Variants in FANCC observed in about 807,000 individuals in gnomAD.
FANCC encodes the protein Fanconi anemia group C protein.
FANCC carries 55 observed loss-of-function variants against 71.3 expected under a neutral mutation model. That is an observed-to-expected ratio of 0.77 (90% CI 0.62 to 0.97). The LOEUF is 0.97. Ranked by LOEUF, FANCC falls within the 50% of genes least tolerant of loss-of-function variation. The probability of loss-of-function intolerance (pLI) is 0.00; values close to 1 mark genes in which losing one functional copy is unlikely to be tolerated. For missense variants in FANCC, 678 were observed against 670.9 expected (o/e 1.01, Z -0.12); for synonymous variants, 275 against 244.9 (o/e 1.12, Z -1.15).
chr9:95,108,360 G>A (rs1022876001), intron 13 of FANCC, among the ~76,000 whole-genome samples: 14 of 152,214 alleles, frequency 9.2e-5, no homozygotes, highest in Admixed American at 6.5e-5. Flanking sequence ...TGGTGTCTAC[G>A]GGAGCCCAAG....
intron 1 of FANCC, among the ~76,000 whole-genome samples, chr9:95,256,066 G>A (rs1272088315): frequency 1.3e-5 from 2 of 151,814 alleles, no homozygotes; most frequent in Non-Finnish European, 2.9e-5. Context: ...TAATTGGTGT[G>A]TGGTGTACCT....
At chr9:95,140,331 GA>G (rs1048303974) in intron 7 of FANCC, among the ~76,000 whole-genome samples, 1 of 152,106 alleles carries the variant, frequency 6.6e-6, no homozygotes, top group Non-Finnish European at 1.5e-5. Flanking sequence ...TTGAGATTTA[GA>G]AAACTCTACT....
chr9:95,211,520 C>T (rs577011739), intron 4 of FANCC, among the ~76,000 whole-genome samples: 1 of 152,244 alleles, frequency 6.6e-6, no homozygotes, highest in East Asian at 1.9e-4. Flanking sequence ...TGGAGAAAGG[C>T]CACTATAGAC....
At chr9:95,119,717 TTTC>T (rs1277432059) in intron 10 of FANCC, among the ~76,000 whole-genome samples, 5 of 151,962 alleles carry the variant, frequency 3.3e-5, no homozygotes, top group African/African-American at 1.2e-4. Context: ...TTTACATTCC[TTTC>T]TTATTTTTTG....
At chr9:95,283,136 G>A (rs1267736398) in intron 1 of FANCC, among the ~76,000 whole-genome samples, 2 of 152,200 alleles carry the variant, frequency 1.3e-5, no homozygotes, top group African/African-American at 2.4e-5. Flanking sequence ...AGACTGGTGT[G>A]CAGTGGCACA....
intron 4 of FANCC, among the ~76,000 whole-genome samples, chr9:95,239,966 C>T (rs934496613): frequency 3.3e-5 from 5 of 152,180 alleles, no homozygotes; most frequent in African/African-American, 7.2e-5. Context: ...CAAGGCAGTG[C>T]GGGGAACAGA....
At chr9:95,198,355 C>G (rs1425917301) in intron 4 of FANCC, among the ~76,000 whole-genome samples, 2 of 152,184 alleles carry the variant, frequency 1.3e-5, no homozygotes, top group Non-Finnish European at 1.5e-5. Flanking sequence ...CTGTCACACA[C>G]AATTTTCAGA....
At chr9:95,227,337 TG>T (rs1829682648) in intron 4 of FANCC, among the ~76,000 whole-genome samples, 1 of 152,192 alleles carries the variant, frequency 6.6e-6, no homozygotes, top group Non-Finnish European at 1.5e-5. Flanking sequence ...GGTAGGCCTC[TG>T]GGGGCTCAGC....
chr9:95,112,160 C>T (rs1476434267), intron 12 of FANCC, among the ~76,000 whole-genome samples: 1 of 152,240 alleles, frequency 6.6e-6, no homozygotes, highest in African/African-American at 2.4e-5. Flanking sequence ...GCTATCCCCT[C>T]GCCACACTGG....
intron 4 of FANCC, among the ~76,000 whole-genome samples, chr9:95,184,200 A>G (rs912860991): frequency 6.6e-6 from 1 of 152,160 alleles, no homozygotes; most frequent in Non-Finnish European, 1.5e-5. Context: ...CATTATATGT[A>G]AACATCTAGG....
chr9:95,135,739 T>C (rs576678559), intron 7 of FANCC, among the ~76,000 whole-genome samples: 2 of 152,016 alleles, frequency 1.3e-5, no homozygotes, highest in African/African-American at 4.8e-5. Flanking sequence ...AGGAAAAAAA[T>C]TGCTTTCAAA....
At chr9:95,294,450 A>G (rs1834251264) in intron 1 of FANCC, 1 of 1,602,124 alleles carries the variant, frequency 6.2e-7, no homozygotes, top group South Asian at 1.1e-5. Flanking sequence ...ACAGACAAAC[A>G]CAGACAGACT....
Position 95,201,202 on chromosome 9 carries a change from TA to T in FANCC, c.346-29056del, listed in dbSNP as rs201547654. Reference sequence around the variant, plus strand: ...CATTTGAAGTACACGTTAATGCCAATAAAAAAAATTTTTTTTTTTGCACAAA... The same window carrying T: ...CATTTGAAGTACACGTTAATGCCAATAAAAAAATTTTTTTTTTTGCACAAA... On this transcript the variant is annotated intron_variant, in intron 4 of 14. Coordinates refer to ENST00000289081, the MANE Select transcript of FANCC (RefSeq NM_000136.3). Among the ~76,000 whole-genome samples the T allele has an allele frequency of 3.3e-3, 508 of 151,842 alleles. 9 individuals carry two copies. The East Asian group carries it at 0.043, about 13-fold the overall frequency.
chr9:95,302,525 T>C lies in FANCC; in HGVS notation c.-79+15001A>G, dbSNP rs532318945. 7.9e-5 allele frequency among the ~76,000 whole-genome samples: 12 copies of C among 152,368 alleles called. No homozygotes were observed. The East Asian group carries it at 1.9e-3, about 24-fold the overall frequency. On this transcript the variant is annotated intron_variant, in intron 1 of 14. Coordinates refer to ENST00000289081, the MANE Select transcript of FANCC (RefSeq NM_000136.3). Reference sequence around the variant, plus strand: ...TCAGTGATCCTTCTGACCAAAATTATACTTTTTGTCATCTCAGGAAATAAT... The same window carrying C: ...TCAGTGATCCTTCTGACCAAAATTACACTTTTTGTCATCTCAGGAAATAAT...
chr9:95,152,776 C>A (rs989369782), intron 6 of FANCC, among the ~76,000 whole-genome samples: 4 of 149,952 alleles, frequency 2.7e-5, no homozygotes, highest in East Asian at 4.0e-4. Context: ...TTTTTCACTA[C>A]CCCCCATCCC....
chr9:95,178,009 T>A (rs576006026), intron 4 of FANCC, among the ~76,000 whole-genome samples: 1 of 152,250 alleles, frequency 6.6e-6, no homozygotes, highest in Non-Finnish European at 1.5e-5. Context: ...CACAAATTTG[T>A]AAACTTTCTT....
chr9:95,112,657 G>A (rs1798223066), intron 12 of FANCC, among the ~76,000 whole-genome samples: 1 of 152,202 alleles, frequency 6.6e-6, no homozygotes, highest in African/African-American at 2.4e-5. Context: ...GTAGACAGAT[G>A]CACAGAGCAG....
At chr9:95,148,121 G>C (rs1829809641) in intron 7 of FANCC, among the ~76,000 whole-genome samples, 1 of 152,088 alleles carries the variant, frequency 6.6e-6, no homozygotes, top group African/African-American at 2.4e-5. Context: ...ACACACAGTC[G>C]AAACACTGCA....
chr9:95,226,529 G>A (rs746922084), intron 4 of FANCC, among the ~76,000 whole-genome samples: 2 of 152,156 alleles, frequency 1.3e-5, no homozygotes, highest in African/African-American at 2.4e-5. Context: ...CAGGAGTGAG[G>A]GCAGCTGCTG....
Sources: allele counts gnomAD v4.1 joint callset (sites outside exome capture counted in the v4.1 genomes callset), GRCh38; gene constraint gnomAD v4.1.1; transcripts MANE v1.5; gene names NCBI Gene and HGNC (gene_info 2026-07-23, HGNC 2026-07-21).